GRIK1: variants seen among roughly 807,000 people sequenced by gnomAD.
The protein encoded by GRIK1 is glutamate receptor ionotropic, kainate 1.
A neutral mutation model predicts 105.7 loss-of-function variants in GRIK1; 69 were observed. That is an observed-to-expected ratio of 0.65 (90% CI 0.54 to 0.80). The LOEUF (loss-of-function observed/expected upper bound fraction) is 0.80. Ranked by LOEUF, GRIK1 falls within the 30% of genes least tolerant of loss-of-function variation. GRIK1 has a pLI of 0.00. For synonymous variants in GRIK1, 438 were observed against 431.3 expected (o/e 1.02, Z -0.19); for missense variants, 1,109 against 1,167.3 (o/e 0.95, Z 0.73).
intron 1 of GRIK1, among the ~76,000 whole-genome samples, chr21:29,746,695 T>C (rs2065057521): frequency 6.6e-6 from 1 of 152,242 alleles, no homozygotes; most frequent in Admixed American, 6.5e-5. Context: ...TTATCAATTT[T>C]AATGAATCAT....
chr21:29,831,549 A>G (rs1390141596), intron 1 of GRIK1, among the ~76,000 whole-genome samples: 1 of 152,182 alleles, frequency 6.6e-6, no homozygotes, highest in Non-Finnish European at 1.5e-5. Flanking sequence ...GCAAAGGGGA[A>G]GCAGGAACAT....
intron 6 of GRIK1, among the ~76,000 whole-genome samples, chr21:29,643,675 C>T (rs1247934623): frequency 1.3e-5 from 2 of 152,188 alleles, no homozygotes; most frequent in Non-Finnish European, 2.9e-5. Context: ...ATTCCTCTCA[C>T]TTGCACAATT....
intron 16 of GRIK1, among the ~76,000 whole-genome samples, chr21:29,543,317 G>T (rs910853042): frequency 6.6e-6 from 1 of 152,158 alleles, no homozygotes; most frequent in South Asian, 2.1e-4. Context: ...TTAGGGATTT[G>T]CAACATAGAG....
intron 1 of GRIK1, among the ~76,000 whole-genome samples, chr21:29,785,442 T>C (rs977978442): frequency 6.6e-6 from 1 of 151,328 alleles, no homozygotes; most frequent in African/African-American, 2.4e-5. Flanking sequence ...TGTGAGCCTG[T>C]AATCCCAGCT....
intron 1 of GRIK1, among the ~76,000 whole-genome samples, chr21:29,888,161 T>TTTAC: frequency 1.4e-4 from 1 of 7,306 alleles, no homozygotes; most frequent in South Asian, 7.2e-3. Flanking sequence ...CTCCTTTCTT[T>TTTAC]TTTCTTTCTT....
chr21:29,733,504 T>TG (rs2064693275), intron 1 of GRIK1, among the ~76,000 whole-genome samples: 1 of 148,826 alleles, frequency 6.7e-6, no homozygotes, highest in Admixed American at 6.6e-5. Context: ...AATCCCCTAA[T>TG]TTTTTTTTCA....
intron 7 of GRIK1, among the ~76,000 whole-genome samples, chr21:29,618,304 A>G (rs145955779): frequency 6.6e-6 from 1 of 152,316 alleles, no homozygotes; most frequent in African/African-American, 2.4e-5. Flanking sequence ...CCAAACCACA[A>G]TGCGATACCA....
intron 1 of GRIK1, among the ~76,000 whole-genome samples, chr21:29,779,214 A>G (rs962123874): frequency 6.6e-6 from 1 of 152,250 alleles, no homozygotes; most frequent in Non-Finnish European, 1.5e-5. Context: ...CCATTTTTGT[A>G]CTTTATCCTC....
chr21:29,641,013 C>T (rs1393624083), intron 7 of GRIK1, among the ~76,000 whole-genome samples: 1 of 152,122 alleles, frequency 6.6e-6, no homozygotes, highest in Non-Finnish European at 1.5e-5. Flanking sequence ...TGGTGCCTTC[C>T]AATGGCAAGA....
intron 7 of GRIK1, among the ~76,000 whole-genome samples, chr21:29,615,713 A>G (rs1260074361): frequency 2.6e-5 from 4 of 152,268 alleles, no homozygotes; most frequent in Non-Finnish European, 5.9e-5. Context: ...CTATAATTTC[A>G]GAAGATGCAA....
intron 17 of GRIK1, 105 bp downstream of exon 17, chr21:29,537,693 A>C: frequency 1.3e-6 from 1 of 790,330 alleles, no homozygotes; most frequent in Non-Finnish European, 2.3e-6. Flanking sequence ...TGAGACACCA[A>C]AATAGAGTTA....
intron 7 of GRIK1, among the ~76,000 whole-genome samples, chr21:29,609,457 G>A (rs146699586): frequency 2.0e-5 from 3 of 152,134 alleles, no homozygotes; most frequent in African/African-American, 7.2e-5. Flanking sequence ...AATTTGACTG[G>A]GTGATGGGCC....
intron 1 of GRIK1, among the ~76,000 whole-genome samples, chr21:29,697,956 TC>T (rs1357539315): frequency 4.6e-5 from 6 of 130,040 alleles, no homozygotes; most frequent in African/African-American, 2.4e-4. Flanking sequence ...CTTTTTTCTT[TC>T]TTCCTTTCTT....
intron 16 of GRIK1, among the ~76,000 whole-genome samples, chr21:29,547,241 A>G (rs925933770): frequency 2.6e-5 from 4 of 152,290 alleles, no homozygotes; most frequent in Admixed American, 2.6e-4. Context: ...TGATGTCATG[A>G]TGGCTAGTGG....
chr21:29,911,761 ACTAT>A (rs1239380014), intron 1 of GRIK1, among the ~76,000 whole-genome samples: 1 of 152,002 alleles, frequency 6.6e-6, no homozygotes, highest in African/African-American at 2.4e-5. Context: ...TGAAAAGAAG[ACTAT>A]CTATGAACCA....
intron 4 of GRIK1, among the ~76,000 whole-genome samples, chr21:29,662,465 G>A (rs1209832968): frequency 6.6e-6 from 1 of 152,086 alleles, no homozygotes; most frequent in Non-Finnish European, 1.5e-5. Flanking sequence ...AATTTTAACA[G>A]CAAATTATTG....
intron 1 of GRIK1, among the ~76,000 whole-genome samples, chr21:29,750,417 C>T (rs2065163088): frequency 6.6e-6 from 1 of 152,158 alleles, no homozygotes; most frequent in African/African-American, 2.4e-5. Flanking sequence ...TCTGGGTCAA[C>T]AGTGACGACA....
rs376907880 is a variant in GRIK1, at chr21:29,654,856, A to T, written c.734T>A (p.Phe245Tyr). ...TAAEILKQILFMGMMTEYYHY... is the reference protein window; with the variant it reads ...TAAEILKQILYMGMMTEYYHY... ...ATAGTACTCGGTCATCATGCCCATGAACAGAATCTGCAAAAGAGAAATAAG... is the reference window on the plus strand; with the variant it reads ...ATAGTACTCGGTCATCATGCCCATGTACAGAATCTGCAAAAGAGAAATAAG... The change falls in exon 5 of 18, where the codon TTC becomes TAC. Residue 245 changes from phenylalanine to tyrosine, a missense_variant. Phe to Tyr is a conservative substitution (Grantham distance 22). Around this residue, in one of 5 missense-constraint regions of GRIK1, gnomAD observed 612 missense variants for 586.0 expected, o/e 1.04. Transcript: ENST00000327783. 1.9e-6 allele frequency: 3 copies of T among 1,576,066 alleles called. No individual in the cohort carries two copies. In the African/African-American group the frequency reaches 4.0e-5, roughly 21 times the overall value.
chr21:29,666,264 G>A (rs1052834093), intron 4 of GRIK1, among the ~76,000 whole-genome samples: 1 of 152,166 alleles, frequency 6.6e-6, no homozygotes, highest in East Asian at 1.9e-4. Context: ...TTAGCTGGGC[G>A]TTGTGGTGCA....
Sources: allele counts gnomAD v4.1 joint callset (sites outside exome capture counted in the v4.1 genomes callset), GRCh38; gene constraint gnomAD v4.1.1; regional missense constraint gnomAD v4.1.1; transcripts MANE v1.5; gene names NCBI Gene and HGNC (gene_info 2026-07-23, HGNC 2026-07-21).